Variants in MYO3B observed in about 807,000 individuals in gnomAD.
MYO3B encodes myosin IIIB.
MYO3B carries 156 observed loss-of-function variants against 174.6 expected under a neutral mutation model. The ratio of observed to expected loss-of-function variants is 0.89; its 90% CI spans 0.78 to 1.02. The LOEUF is 1.02. Among genes scored for constraint, MYO3B ranks in the 50% least tolerant of loss-of-function variants. The pLI is 0.00. For missense variants in MYO3B, 1,632 were observed against 1,639.4 expected (o/e 1.00, Z 0.08); for synonymous variants, 563 against 569.1 (o/e 0.99, Z 0.15).
intron 7 of MYO3B, among the ~76,000 whole-genome samples, chr2:170,237,520 T>G (rs2093084218): frequency 8.2e-6 from 1 of 122,678 alleles, no homozygotes; most frequent in Non-Finnish European, 1.7e-5. Flanking sequence ...CAGCAAAGAG[T>G]GTGTGTTTTT....
intron 7 of MYO3B, among the ~76,000 whole-genome samples, chr2:170,333,564 C>T (rs1356500798): frequency 6.6e-6 from 1 of 152,166 alleles, no homozygotes; most frequent in African/African-American, 2.4e-5. Context: ...CCCCCCTGCT[C>T]TCTCTTCAGA....
intron 28 of MYO3B, among the ~76,000 whole-genome samples, chr2:170,509,358 A>G (rs185504030): frequency 3.8e-4 from 58 of 152,324 alleles, no homozygotes; most frequent in African/African-American, 1.3e-3. Flanking sequence ...CCCTGTCTCA[A>G]AAAAACAAAA....
At chr2:170,399,886 A>G (rs2094464027) in intron 16 of MYO3B, among the ~76,000 whole-genome samples, 1 of 152,218 alleles carries the variant, frequency 6.6e-6, no homozygotes, top group East Asian at 1.9e-4. Context: ...CATCAGTGGC[A>G]TGGTAAGGCT....
chr2:170,570,456 G>A (rs888949894), intron 32 of MYO3B, among the ~76,000 whole-genome samples: 3 of 152,016 alleles, frequency 2.0e-5, no homozygotes, highest in South Asian at 2.1e-4. Flanking sequence ...CCATCTCACC[G>A]GTGAGGAAAC....
At position 170,465,031 on chromosome 2, in the gene MYO3B, A is replaced by AT. The variant is rs1189042217; in HGVS notation, c.2809-1475_2809-1474insT. Among the ~76,000 whole-genome samples the AT allele has an allele frequency of 1.3e-3, 45 of 35,180 alleles. 1 individual carries two copies. The South Asian group carries it at 0.042, about 33-fold the overall frequency. The allele number at this position is 35,180 out of a possible 152,430, so 23.1% of individuals were successfully genotyped here. On this transcript the variant is annotated intron_variant, in intron 24 of 34. Coordinates refer to ENST00000408978, the MANE Select transcript of MYO3B (RefSeq NM_138995.5). ...ACAGGTACGTGCCACCATGCCTGGC[A>AT]ATTTTTTTTTTTTGTATTTTCACTA...
chr2:170,424,156 AGCACCTTGAG>A (rs1428860363), intron 22 of MYO3B, among the ~76,000 whole-genome samples: 2 of 152,216 alleles, frequency 1.3e-5, no homozygotes, highest in Admixed American at 1.3e-4. Context: ...TTTTGTGAGA[AGCACCTTGAG>A]GGTCAAGAAT....
chr2:170,535,267 AG>A (rs1457856861), intron 30 of MYO3B, among the ~76,000 whole-genome samples: 1 of 152,226 alleles, frequency 6.6e-6, no homozygotes, highest in Non-Finnish European at 1.5e-5. Context: ...GGGAGCCTGT[AG>A]AAGACCTTAT....
chr2:170,623,071 C>T (rs1025922750), intron 32 of MYO3B, among the ~76,000 whole-genome samples: 1 of 152,114 alleles, frequency 6.6e-6, no homozygotes, highest in African/African-American at 2.4e-5. Flanking sequence ...GATTTATATT[C>T]CTTTGGGTAT....
intron 25 of MYO3B, among the ~76,000 whole-genome samples, chr2:170,488,015 A>G (rs924039998): frequency 2.0e-5 from 3 of 152,230 alleles, no homozygotes; most frequent in Non-Finnish European, 2.9e-5. Flanking sequence ...GGAAAAATCC[A>G]GCCTCTTTAA....
chr2:170,351,069 GAGGAAGGCAGGAAGGA>G (rs375749947), intron 8 of MYO3B: 30 of 152,144 alleles, frequency 2.0e-4, no homozygotes, highest in African/African-American at 6.7e-4. Context: ...GGCAGGGAGG[GAGGAAGGCAGGAAGGA>G]AGGAAGTTAG....
chr2:170,226,161 TAA>T (rs2092949955), intron 6 of MYO3B, among the ~76,000 whole-genome samples: 1 of 152,112 alleles, frequency 6.6e-6, no homozygotes, highest in Non-Finnish European at 1.5e-5. Flanking sequence ...CTGGCTCTGT[TAA>T]AAGACTGGAG....
intron 32 of MYO3B, among the ~76,000 whole-genome samples, chr2:170,625,174 T>C (rs1230149720): frequency 9.9e-5 from 15 of 152,198 alleles, no homozygotes; most frequent in Non-Finnish European, 2.1e-4. Flanking sequence ...TGGTAGAATT[T>C]GGCTGTGAAT....
intron 29 of MYO3B, among the ~76,000 whole-genome samples, chr2:170,515,525 C>T (rs1688251913): frequency 1.3e-5 from 2 of 152,092 alleles, no homozygotes; most frequent in South Asian, 4.2e-4. Context: ...CAGTCCTCCA[C>T]CAGTTAATAT....
chr2:170,471,990 TAAA>T (rs533804427), intron 25 of MYO3B, among the ~76,000 whole-genome samples: 2 of 128,026 alleles, frequency 1.6e-5, no homozygotes, highest in Non-Finnish European at 1.7e-5. Context: ...AAACTCTGTC[TAAA>T]AAAAAAAAAA....
chr2:170,582,983 T>A (rs1243592773), intron 32 of MYO3B, among the ~76,000 whole-genome samples: 1 of 152,064 alleles, frequency 6.6e-6, no homozygotes, highest in Admixed American at 6.5e-5. Flanking sequence ...AAAACTAGCC[T>A]TGGACTCTCT....
intron 25 of MYO3B, among the ~76,000 whole-genome samples, chr2:170,490,475 T>G (rs1438857591): frequency 6.6e-6 from 1 of 152,212 alleles, no homozygotes; most frequent in African/African-American, 2.4e-5. Flanking sequence ...TTCAAATAAT[T>G]GTGTCATCTT....
intron 25 of MYO3B, among the ~76,000 whole-genome samples, chr2:170,472,887 G>A (rs1184767167): frequency 2.6e-5 from 4 of 151,108 alleles, no homozygotes; most frequent in South Asian, 4.2e-4. Context: ...TTTTAGTAGC[G>A]ATGAGGTCTC....
intron 23 of MYO3B, among the ~76,000 whole-genome samples, chr2:170,447,718 A>G (rs13388703): frequency 0.012 from 1,802 of 152,352 alleles, 34 homozygotes; most frequent in African/African-American, 0.041. Flanking sequence ...AGAGTAATTC[A>G]CACAATGCTG....
intron 30 of MYO3B, among the ~76,000 whole-genome samples, chr2:170,534,887 G>A (rs572515966): frequency 7.2e-5 from 11 of 152,136 alleles, no homozygotes; most frequent in African/African-American, 2.7e-4. Flanking sequence ...TAACCTCTAC[G>A]TGCCATAACA....
Sources: allele counts gnomAD v4.1 joint callset (sites outside exome capture counted in the v4.1 genomes callset), GRCh38; gene constraint gnomAD v4.1.1; transcripts MANE v1.5; gene names NCBI Gene and HGNC (gene_info 2026-07-23, HGNC 2026-07-21).